The following CEP170B variants were observed in gnomAD, a reference collection of about 807,000 sequenced individuals.
CEP170B encodes centrosomal protein of 170 kDa protein B.
Under a neutral mutation model 120.6 loss-of-function variants are expected in CEP170B, and 55 were observed. The observed-to-expected ratio is 0.46, with a 90% confidence interval of 0.37 to 0.57. The LOEUF (loss-of-function observed/expected upper bound fraction) is 0.57. CEP170B is among the 20% of genes least tolerant of loss of function. The pLI is 0.00. For missense variants in CEP170B, 2,212 were observed against 2,253.3 expected (o/e 0.98, Z 0.37); for synonymous variants, 1,033 against 954.5 (o/e 1.08, Z -1.52).
intron 2 of CEP170B, among the ~76,000 whole-genome samples, chr14:104,871,158 G>A (rs530357835): frequency 6.6e-6 from 1 of 152,214 alleles, no homozygotes; most frequent in African/African-American, 2.4e-5. Flanking sequence ...GGCCCTTTCC[G>A]AACGCTGCTG....
chr14:104,885,704 G>T (rs1896450294), intron 10 of CEP170B, among the ~76,000 whole-genome samples, 162 bp downstream of exon 10: 1 of 152,166 alleles, frequency 6.6e-6, no homozygotes, highest in South Asian at 2.1e-4. Context: ...GGAGGGATCG[G>T]GGCCAGGTGT....
chr14:104,893,407 C>T (rs1595362130), intron 14 of CEP170B, 116 bp from the exon 15 acceptor site: 1 of 1,320,022 alleles, frequency 7.6e-7, no homozygotes, highest in East Asian at 2.5e-5. Context: ...AGGGACCTTG[C>T]ACAGACGGAA....
chr14:104,894,327 A>T lies in CEP170B; in HGVS notation c.4314A>T (p.Glu1438Asp). The change falls in exon 17 of 19, where the codon GAA becomes GAT. Residue 1438 changes from glutamate to aspartate, a missense_variant. By Grantham distance (45) the Glu-to-Asp change is conservative (BLOSUM62 2). Transcript: ENST00000414716. The stretch of plus-strand genomic sequence containing the variant: ...CAGGGAGAGCTTGGGAGGACCTGGA[A>T]GCCAGGATCAACGCCGAGAACGAGG... The part of the protein sequence containing the change: ...QNTGRAWEDL[E>D]ARINAENEVP... The T allele has an allele frequency of 6.2e-7, 1 of 1,613,620 alleles. No homozygotes were observed. The highest frequency in any genetic ancestry group is 8.5e-7 in the Non-Finnish European group (1 of 1,179,874).
At chr14:104,894,494 C>T in intron 17 of CEP170B, 43 bp from the exon 18 acceptor site, 1 of 1,604,428 alleles carries the variant, frequency 6.2e-7, no homozygotes, top group Middle Eastern at 1.7e-4. Flanking sequence ...GGGCTGCAGC[C>T]CGTCAGAAGT....
intron 2 of CEP170B, among the ~76,000 whole-genome samples, chr14:104,869,281 C>T (rs994459522): frequency 2.0e-5 from 3 of 152,198 alleles, no homozygotes; most frequent in East Asian, 1.9e-4. Context: ...GGCTCATCCC[C>T]CAGCGTGGCA....
intron 6 of CEP170B, among the ~76,000 whole-genome samples, 192 bp downstream of exon 6, chr14:104,880,617 C>A (rs1297057223): frequency 6.6e-6 from 1 of 152,054 alleles, no homozygotes; most frequent in Non-Finnish European, 1.5e-5. Flanking sequence ...CCCTTGCACA[C>A]CCACATTCCT....
chr14:104,878,446 C>T lies in CEP170B; in HGVS notation c.278C>T (p.Ser93Phe). 1 of 1,612,618 alleles carries T rather than the reference C, an allele frequency of 6.2e-7. No homozygotes were observed. Among genetic ancestry groups the T allele is most frequent in the Non-Finnish European group, 8.5e-7 (1 of 1,179,642 alleles). Residue 93 changes from serine (S) to phenylalanine (F), a missense_variant, in exon 5 of 19, where the codon TCC becomes TTC. Physicochemically the swap from Ser to Phe is radical, Grantham distance 155 (BLOSUM62 -2). Transcript: ENST00000414716. Reference protein sequence around the residue: ...LNDVIRFGYDSNMYVLERVQH... With the variant: ...LNDVIRFGYDFNMYVLERVQH... The stretch of plus-strand genomic sequence containing the variant: ...GTTCGCCTTAACACGTGTCCACATT[C>T]CAACATGTATGTGCTGGAGCGTGTG...
intron 17 of CEP170B, 39 bp downstream of exon 17, chr14:104,894,417 G>C: frequency 1.2e-6 from 2 of 1,606,430 alleles, no homozygotes; most frequent in Non-Finnish European, 1.7e-6. Context: ...CCTGCCCCCA[G>C]CCAGCCTGCC....
Position 104,884,402 on chromosome 14 carries a change from G to A in CEP170B, c.1623G>A (p.Pro541=), listed in dbSNP as rs770450389. Residue 541 remains proline, a synonymous_variant, in exon 9 of 19, where the codon CCG becomes CCA. Coordinates refer to ENST00000414716, the MANE Select transcript of CEP170B (RefSeq NM_001112726.3). ...ATGGGACCAGCCCCGTGGGCCCCCC[G>A]ACCCCACCGCCCGCCCCCACGGACC... The part of the protein sequence containing the change: ...TPHGTSPVGP[P]TPPPAPTDPQ... The A allele has an allele frequency of 6.6e-5, 91 of 1,375,808 alleles. No individual in the cohort carries two copies. The highest frequency in any genetic ancestry group is 2.7e-4 in the East Asian group (10 of 37,594). 85.2% of individuals were successfully genotyped at this position (1,375,808 alleles called of 1,614,324 possible).
rs189204198 is a variant in CEP170B, at chr14:104,879,143, C to T, written c.333+642C>T. On this transcript the variant is annotated intron_variant, in intron 5 of 18. Coordinates refer to ENST00000414716, the MANE Select transcript of CEP170B (RefSeq NM_001112726.3). Reference sequence around the variant, plus strand: ...TGACATTACAGTTATTTGGAGTCTTCGAAGCTGAAGGGATTAAGAGTCTCT... The same window carrying T: ...TGACATTACAGTTATTTGGAGTCTTTGAAGCTGAAGGGATTAAGAGTCTCT... Among the ~76,000 whole-genome samples the T allele has an allele frequency of 2.0e-4, 31 of 152,200 alleles. No homozygotes were observed. In the East Asian group the frequency reaches 3.9e-3, roughly 19 times the overall value.
chr14:104,893,200 C>T (rs1896933666), intron 14 of CEP170B, 65 bp downstream of exon 14: 1 of 1,515,430 alleles, frequency 6.6e-7, no homozygotes, highest in Non-Finnish European at 8.9e-7. Context: ...AGGCCAGGTC[C>T]CCACAGCCCT....
chr14:104,896,355 C>A lies in CEP170B; in HGVS notation c.*1397C>A. ...GGGGGGCGGGGGTGGCAGGTGTCCC[C>A]CCCTGGTCCCCGCCCCAAGAGCCTG... On this transcript the variant is annotated 3_prime_UTR_variant, in exon 19 of 19. Coordinates refer to ENST00000414716, the MANE Select transcript of CEP170B (RefSeq NM_001112726.3). The A allele has an allele frequency of 2.9e-6, 1 of 341,018 alleles. No individual in the cohort carries two copies. The allele number at this position is 341,018 out of a possible 1,614,324, so 21.1% of individuals were successfully genotyped here. A position where few individuals can be genotyped will look rare whatever the true frequency, so the allele number is the denominator to read the frequency against.
At chr14:104,892,885 C>T (rs1022691291) in intron 13 of CEP170B, 91 bp from the exon 14 acceptor site, 10 of 1,414,936 alleles carry the variant, frequency 7.1e-6, no homozygotes, top group Non-Finnish European at 9.7e-6. Context: ...CAGCAGCTGC[C>T]TGGGAGCTGG....
Position 104,891,890 on chromosome 14 carries a change from C to T in CEP170B, c.3879-1086C>T, listed in dbSNP as rs1896868641. Among the ~76,000 whole-genome samples, 2 of 152,116 alleles carry T rather than the reference C, an allele frequency of 1.3e-5. No homozygotes were observed. The highest frequency in any genetic ancestry group is 4.1e-4 in the South Asian group (2 of 4,832). On this transcript the variant is annotated intron_variant, in intron 13 of 18. Coordinates refer to ENST00000414716, the MANE Select transcript of CEP170B (RefSeq NM_001112726.3). The surrounding 1 kb of genome is among the most constrained non-coding windows in gnomAD (Gnocchi z 4.3). ...TTTTGTCTTGATGTGGAATGGTGGA[C>T]CCAGCTAGGACCCAGTCCTGAATGG...
At chr14:104,878,176 G>A (rs542262170) in intron 4 of CEP170B, among the ~76,000 whole-genome samples, 222 of 151,694 alleles carry the variant, frequency 1.5e-3, no homozygotes, top group African/African-American at 5.0e-3. Flanking sequence ...CCCTGGCCAC[G>A]GGTACCTGCT....
chr14:104,870,871 G>T lies in CEP170B; in HGVS notation c.105+2316G>T, dbSNP rs549473891. Reference sequence around the variant, plus strand: ...ACTGAGGCTCAGGGAGGCCTTGCAGGTGTGGCGAGTGTGGGAAGGCTGTCT... The same window carrying T: ...ACTGAGGCTCAGGGAGGCCTTGCAGTTGTGGCGAGTGTGGGAAGGCTGTCT... On this transcript the variant is annotated intron_variant, in intron 2 of 18. Coordinates refer to ENST00000414716, the MANE Select transcript of CEP170B (RefSeq NM_001112726.3). The surrounding 1 kb of genome is among the most constrained non-coding windows in gnomAD (Gnocchi z 4.1). Among the ~76,000 whole-genome samples, 94 of 152,136 alleles carry T rather than the reference G, an allele frequency of 6.2e-4. No homozygotes were observed. Among genetic ancestry groups the T allele is most frequent in the Admixed American group, 2.4e-3 (37 of 15,290 alleles).
Position 104,894,925 on chromosome 14 carries a change from C to T in CEP170B, c.4632C>T (p.Thr1544=). Residue 1544 remains threonine, a synonymous_variant, in exon 19 of 19, where the codon ACC becomes ACT. Transcript: ENST00000414716. ...GGCCTCCCAGCCTCCCGGACCCCAC[C>T]TTCCTCCCTGATGCCGAGAGGTTCC... The part of the protein sequence containing the change: ...SCGPPSLPDP[T]FLPDAERFLI The T allele has an allele frequency of 6.3e-7, 1 of 1,593,828 alleles. No homozygotes were observed. Among genetic ancestry groups the T allele is most frequent in the Non-Finnish European group, 8.5e-7 (1 of 1,170,454 alleles).
intron 13 of CEP170B, 146 bp downstream of exon 13, chr14:104,889,904 AAATG>A: frequency 8.3e-6 from 1 of 120,972 alleles, no homozygotes; most frequent in South Asian, 1.3e-4. Context: ...ATGGATGGAC[AAATG>A]GATGGATGGA....
rs755278543 is a variant in CEP170B at position 104,880,346 on chromosome 14, C to T, written c.393C>T (p.Ser131=). ...TGAAGGGTTTGGCGCCCAAGAGGAG[C>T]GAGGCACTGCCGGAACACACACCAT... ...VSVKGLAPKR[S]EALPEHTPYC... The change falls in exon 6 of 19, where the codon AGC becomes AGT. Residue 131 remains serine (S), a synonymous_variant. Transcript: ENST00000414716. 127 of 1,611,846 alleles carry T rather than the reference C, an allele frequency of 7.9e-5. No homozygotes were observed. The highest frequency in any genetic ancestry group is 4.8e-4 in the Admixed American group (29 of 59,812).
Sources: gnomAD v4.1 joint callset for allele counts (sites outside exome capture counted in the v4.1 genomes callset) on GRCh38, gnomAD v4.1.1 for gene constraint, Gnocchi (gnomAD v3.1) non-coding constraint, MANE v1.5 for transcripts, NCBI Gene and HGNC (gene_info 2026-07-23, HGNC 2026-07-21) for gene names.